The following NAV3 variants were observed in gnomAD, a reference collection of about 807,000 sequenced individuals.
The protein encoded by NAV3 is pore membrane and/or filament interacting like protein 1.
In NAV3, 87 loss-of-function variants were observed where a neutral mutation model predicts 244.7. The ratio of observed to expected loss-of-function variants is 0.36; its 90% CI spans 0.30 to 0.42. NAV3 has a LOEUF of 0.42. Among genes scored for constraint, NAV3 ranks in the 20% least tolerant of loss-of-function variants. NAV3 has a pLI of 1.00. For synonymous variants in NAV3, 1,126 were observed against 1,042.2 expected (o/e 1.08, Z -1.55); for missense variants, 2,663 against 2,893.3 (o/e 0.92, Z 1.83).
intron 2 of NAV3, among the ~76,000 whole-genome samples, chr12:77,728,033 T>G (rs970875608): frequency 2.0e-5 from 3 of 151,840 alleles, no homozygotes; most frequent in Non-Finnish European, 4.4e-5. Context: ...GAACAAAATA[T>G]TTCTGCTCCT....
At chr12:77,962,836 G>C (rs1034591313) in intron 3 of NAV3, among the ~76,000 whole-genome samples, 24 of 152,130 alleles carry the variant, frequency 1.6e-4, no homozygotes, top group African/African-American at 5.6e-4. Context: ...GTAAGGTAAA[G>C]TATTATTCCG....
chr12:78,175,447 C>CT lies in NAV3; in HGVS notation c.5103+21dup. The CT allele has an allele frequency of 6.2e-7, 1 of 1,604,562 alleles. No homozygotes were observed. The highest frequency in any genetic ancestry group is 8.5e-7 in the Non-Finnish European group (1 of 1,176,500). ...AACTGGGTAAGTTACCATCCTTCAT[C>CT]TAATTCAGAAGCTTATTAATGCATA... On this transcript the variant is annotated intron_variant, in intron 25 of 39. Coordinates refer to ENST00000397909, the MANE Select transcript of NAV3 (RefSeq NM_001024383.2).
intron 2 of NAV3, among the ~76,000 whole-genome samples, chr12:77,630,662 C>T (rs771894325): frequency 1.3e-5 from 2 of 152,066 alleles, no homozygotes; most frequent in Admixed American, 1.3e-4. Context: ...TTTTTCTTGG[C>T]GGTATTTTCC....
At chr12:77,899,137 C>G (rs1884970405) in intron 1 of NAV3, among the ~76,000 whole-genome samples, 1 of 152,172 alleles carries the variant, frequency 6.6e-6, no homozygotes, top group Non-Finnish European at 1.5e-5. Context: ...GGTTTCTATT[C>G]TTGAGATAGA....
chr12:77,997,970 G>A (rs1872638424), intron 6 of NAV3, among the ~76,000 whole-genome samples: 1 of 152,172 alleles, frequency 6.6e-6, no homozygotes, highest in Non-Finnish European at 1.5e-5. Context: ...AATAGCTGAG[G>A]AATATGCTGA....
At chr12:77,914,868 G>C (rs549392052) in intron 1 of NAV3, among the ~76,000 whole-genome samples, 3 of 138,390 alleles carry the variant, frequency 2.2e-5, no homozygotes, top group Non-Finnish European at 3.1e-5. Flanking sequence ...CTGATGTTTT[G>C]AGCTTTATGC....
At chr12:78,121,795 TA>T in intron 15 of NAV3, 144 bp from the exon 16 acceptor site, 1 of 1,057,888 alleles carries the variant, frequency 9.5e-7, no homozygotes, top group Non-Finnish European at 1.3e-6. Context: ...TCCAAGCTTA[TA>T]AAAGTTCATT....
At chr12:78,127,579 A>T (rs1955972046) in intron 17 of NAV3, among the ~76,000 whole-genome samples, 1 of 152,186 alleles carries the variant, frequency 6.6e-6, no homozygotes, top group Non-Finnish European at 1.5e-5. Context: ...AATTAAAATA[A>T]AATTAACTCT....
chr12:77,944,727 G>T (rs1940762902), intron 3 of NAV3, among the ~76,000 whole-genome samples: 1 of 152,066 alleles, frequency 6.6e-6, no homozygotes, highest in Non-Finnish European at 1.5e-5. Flanking sequence ...TTCACTCTAG[G>T]AAATATAAAT....
chr12:77,731,685 A>C (rs1414608880), intron 2 of NAV3, among the ~76,000 whole-genome samples: 1 of 152,000 alleles, frequency 6.6e-6, no homozygotes, highest in Non-Finnish European at 1.5e-5. Context: ...TAAAAGAGTT[A>C]AAATGGTGGC....
chr12:77,579,171 T>C (rs1416550098), intron 2 of NAV3, among the ~76,000 whole-genome samples: 1 of 152,204 alleles, frequency 6.6e-6, no homozygotes, highest in Admixed American at 6.5e-5. Context: ...AAGCCAAATC[T>C]GGGTTTTTGA....
At chr12:77,892,399 C>G (rs564602779) in intron 1 of NAV3, among the ~76,000 whole-genome samples, 1 of 151,918 alleles carries the variant, frequency 6.6e-6, no homozygotes, top group Admixed American at 6.6e-5. Flanking sequence ...GGGGCAAGCC[C>G]TAAAATTAGA....
chr12:77,719,191 T>C (rs772639536), intron 2 of NAV3, among the ~76,000 whole-genome samples: 8 of 152,200 alleles, frequency 5.3e-5, no homozygotes, highest in Non-Finnish European at 1.0e-4. Flanking sequence ...TTACTAAATT[T>C]GTTTTTTCTA....
intron 5 of NAV3, among the ~76,000 whole-genome samples, chr12:77,993,917 G>A (rs1050489406): frequency 1.3e-5 from 2 of 152,044 alleles, no homozygotes; most frequent in Admixed American, 6.6e-5. Context: ...ACCATCACAG[G>A]GTGTGTGCAC....
Position 77,663,442 on chromosome 12 carries a change from A to G in NAV3, c.72+91176A>G, listed in dbSNP as rs568818853. ...AAAAGAAACATACAAACAAAAAGAT[A>G]TAACCTGCAAAGCTAACTTTTTCGA... On this transcript the variant is annotated intron_variant, in intron 2 of 8. Coordinates refer to the NAV3 transcript ENST00000550042. Among the ~76,000 whole-genome samples, 9 of 152,356 alleles carry G rather than the reference A, an allele frequency of 5.9e-5. No individual in the cohort carries two copies. The South Asian group carries it at 1.0e-3, about 18-fold the overall frequency.
At chr12:77,914,681 T>C (rs975650863) in intron 1 of NAV3, among the ~76,000 whole-genome samples, 1 of 152,006 alleles carries the variant, frequency 6.6e-6, no homozygotes, top group Non-Finnish European at 1.5e-5. Context: ...TCTAGTCTAT[T>C]GGTTTTGTCT....
intron 12 of NAV3, among the ~76,000 whole-genome samples, chr12:78,086,092 A>T (rs778481998): frequency 6.6e-6 from 1 of 152,086 alleles, no homozygotes; most frequent in African/African-American, 2.4e-5. Flanking sequence ...TTTCTACAAA[A>T]TAATTAACAC....
intron 28 of NAV3, 145 bp from the exon 29 acceptor site, chr12:78,179,384 C>T (rs300525): frequency 0.97 from 788,761 of 814,470 alleles, 382,412 homozygotes; most frequent in East Asian, 1. Flanking sequence ...TGTAAAACTC[C>T]TTCTCCTTTT....
intron 12 of NAV3, among the ~76,000 whole-genome samples, chr12:78,063,297 G>A (rs1884563025): frequency 6.6e-6 from 1 of 152,140 alleles, no homozygotes; most frequent in Non-Finnish European, 1.5e-5. Context: ...TTGCAGATAT[G>A]TTGGAGACTC....
Sources: gnomAD v4.1 joint callset for allele counts (sites outside exome capture counted in the v4.1 genomes callset) on GRCh38, gnomAD v4.1.1 for gene constraint, MANE v1.5 for transcripts, NCBI Gene and HGNC (gene_info 2026-07-23, HGNC 2026-07-21) for gene names.